FLVCR1: variants seen among roughly 807,000 people sequenced by gnomAD.
The protein encoded by FLVCR1 is choline/ethanolamine transporter FLVCR1.
FLVCR1 carries 34 observed loss-of-function variants against 53.6 expected under a neutral mutation model. The ratio of observed to expected loss-of-function variants is 0.63; its 90% CI spans 0.48 to 0.84. The LOEUF is 0.84. FLVCR1 is among the 40% of genes least tolerant of loss of function. The probability of loss-of-function intolerance (pLI) is 0.00; values close to 1 mark genes in which losing one functional copy is unlikely to be tolerated. For synonymous variants in FLVCR1, 300 were observed against 286.3 expected (o/e 1.05, Z -0.48); for missense variants, 677 against 696.7 (o/e 0.97, Z 0.32).
At chr1:212,865,485 A>ATTTTTTTTTTTTTTTT (rs58544929) in intron 2 of FLVCR1, among the ~76,000 whole-genome samples, 5 of 133,696 alleles carry the variant, frequency 3.7e-5, no homozygotes, top group African/African-American at 6.0e-5. Flanking sequence ...TGCAATAGGG[A>ATTTTTTTTTTTTTTTT]TTTTTTTTTT....
intron 1 of FLVCR1, among the ~76,000 whole-genome samples, chr1:212,860,042 G>C (rs1664172741): frequency 6.6e-6 from 1 of 152,146 alleles, no homozygotes. Flanking sequence ...CAGCACTTTG[G>C]GAGGCTGAGG....
intron 3 of FLVCR1, among the ~76,000 whole-genome samples, chr1:212,881,432 G>A (rs988190083): frequency 2.0e-5 from 3 of 149,998 alleles, no homozygotes; most frequent in East Asian, 4.0e-4. Context: ...TCCACCTCCC[G>A]GATTCAAGCA....
chr1:212,883,499 T>G, intron 4 of FLVCR1, 61 bp downstream of exon 4: 1 of 889,940 alleles, frequency 1.1e-6, no homozygotes, highest in Non-Finnish European at 1.9e-6. Context: ...AGCAATATAA[T>G]TGTCGTTAGC....
chr1:212,894,753 T>C (rs1665289599), intron 8 of FLVCR1, among the ~76,000 whole-genome samples: 1 of 152,206 alleles, frequency 6.6e-6, no homozygotes, highest in Non-Finnish European at 1.5e-5. Flanking sequence ...AATTACACTT[T>C]TCATTTTTGT....
At chr1:212,893,245 C>T (rs1006994709) in intron 8 of FLVCR1, among the ~76,000 whole-genome samples, 6 of 151,924 alleles carry the variant, frequency 3.9e-5, no homozygotes, top group Non-Finnish European at 5.9e-5. Context: ...TTTGTAGAGA[C>T]GGGGTTTCAC....
intron 1 of FLVCR1, among the ~76,000 whole-genome samples, chr1:212,863,218 T>G (rs1402870415): frequency 6.6e-6 from 1 of 152,224 alleles, no homozygotes; most frequent in Non-Finnish European, 1.5e-5. Flanking sequence ...TGGTAGGAAC[T>G]CAGTAAATGT....
chr1:212,862,941 C>G (rs914220917), intron 1 of FLVCR1, among the ~76,000 whole-genome samples: 2 of 152,122 alleles, frequency 1.3e-5, no homozygotes, highest in Admixed American at 1.3e-4. Flanking sequence ...GCTTATTGAC[C>G]ATTTGTATAT....
chr1:212,887,693 G>T (rs1044787149), intron 5 of FLVCR1, among the ~76,000 whole-genome samples, 198 bp from the exon 6 acceptor site: 4 of 151,854 alleles, frequency 2.6e-5, no homozygotes, highest in African/African-American at 9.7e-5. Flanking sequence ...CATTCGATAT[G>T]GTGTGGTTTT....
In FLVCR1 at chr1:212,863,773, A is replaced by G. The variant is rs1430740630; in HGVS notation, c.787A>G (p.Thr263Ala). 5 of 1,613,888 alleles carry G rather than the reference A, an allele frequency of 3.1e-6. No homozygotes were observed. The highest frequency in any genetic ancestry group is 4.2e-6 in the Non-Finnish European group (5 of 1,179,898). Residue 263 changes from threonine to alanine, a missense_variant, in exon 2 of 10, where the codon ACA becomes GCA. Physicochemically the swap from Thr to Ala is moderately conservative, Grantham distance 58. Coordinates refer to ENST00000366971, the MANE Select transcript of FLVCR1 (RefSeq NM_014053.4). ...GCTACCACCAGTTTTAGTACCCAACACACAGAATGACACAAATCTCCTGGC... is the reference window on the plus strand; with the variant it reads ...GCTACCACCAGTTTTAGTACCCAACGCACAGAATGACACAAATCTCCTGGC... ...FLLPPVLVPN[T>A]QNDTNLLACN... is the part of the protein sequence containing the mutation.
At chr1:212,875,763 C>T (rs997196459) in intron 3 of FLVCR1, among the ~76,000 whole-genome samples, 2 of 151,650 alleles carry the variant, frequency 1.3e-5, no homozygotes, top group Non-Finnish European at 2.9e-5. Context: ...ATCGCTTGAA[C>T]CCAGGAGGCA....
At chr1:212,880,071 TA>T (rs1664881426) in intron 3 of FLVCR1, among the ~76,000 whole-genome samples, 1 of 152,042 alleles carries the variant, frequency 6.6e-6, no homozygotes, top group Admixed American at 6.6e-5. Flanking sequence ...TGCAGTGCAG[TA>T]GAGTACACTC....
chr1:212,889,199 T>C lies in FLVCR1; in HGVS notation c.1467T>C (p.Gly489=), dbSNP rs2102570244. ...AAGGAAAGCTCACATCAGACTATGG[T>C]CCTAAGGCAGGGAACATTTTTCTCT... ...LAQGKLTSDY[G]PKAGNIFLCV... Residue 489 remains glycine (G), a synonymous_variant, in exon 8 of 10, where the codon GGT becomes GGC. Transcript: ENST00000366971. 6.2e-7 allele frequency: 1 copy of C among 1,613,966 alleles called. No individual in the cohort carries two copies. Among genetic ancestry groups the C allele is most frequent in the Non-Finnish European group, 8.5e-7 (1 of 1,179,878 alleles).
At chr1:212,884,995 T>C (rs1008452168) in intron 4 of FLVCR1, among the ~76,000 whole-genome samples, 1 of 152,228 alleles carries the variant, frequency 6.6e-6, no homozygotes, top group African/African-American at 2.4e-5. Context: ...CACATGACTA[T>C]CTATACTTAA....
At position 212,885,416 on chromosome 1, in the gene FLVCR1, T is replaced by G. The variant is rs765279846; in HGVS notation, c.1196+20T>G. The G allele has an allele frequency of 6.5e-7, 1 of 1,527,472 alleles. No homozygotes were observed. Among genetic ancestry groups the G allele is most frequent in the South Asian group, 1.1e-5 (1 of 89,444 alleles). 94.6% of individuals were successfully genotyped at this position (1,527,472 alleles called of 1,614,324 possible). ...ATACAAGTAAGTGAAAGTAAATACA[T>G]GTATGGTGTATAACCAAAGGTATTT... On this transcript the variant is annotated intron_variant, in intron 5 of 9. Transcript: ENST00000366971.
chr1:212,893,268 G>A (rs1665245208), intron 8 of FLVCR1, among the ~76,000 whole-genome samples: 1 of 152,080 alleles, frequency 6.6e-6, no homozygotes, highest in Admixed American at 6.6e-5. Context: ...TGTTAGCCAG[G>A]ATGGTTTTGA....
chr1:212,874,108 A>G (rs1407221370), intron 3 of FLVCR1, among the ~76,000 whole-genome samples: 2 of 152,158 alleles, frequency 1.3e-5, no homozygotes, highest in Admixed American at 6.6e-5. Context: ...CCCGGGTTCA[A>G]GCAATTCTCC....
At chr1:212,892,518 C>T (rs1054932572) in intron 8 of FLVCR1, among the ~76,000 whole-genome samples, 11 of 152,138 alleles carry the variant, frequency 7.2e-5, no homozygotes, top group Admixed American at 2.0e-4. Context: ...ATATTTTAAA[C>T]CCATTGTTGA....
chr1:212,893,072 GGGT>G (rs1377559734), intron 8 of FLVCR1, among the ~76,000 whole-genome samples: 50,226 of 148,590 alleles, frequency 0.34, 10,222 homozygotes, highest in South Asian at 0.46. Context: ...TTTTGGGGGG[GGGT>G]GCCGGAATGT....
chr1:212,881,849 A>T (rs1295737462), intron 3 of FLVCR1, among the ~76,000 whole-genome samples: 1 of 152,232 alleles, frequency 6.6e-6, no homozygotes, highest in Non-Finnish European at 1.5e-5. Context: ...ACTCCTACAA[A>T]TCAGAAAGAG....
Sources: gnomAD v4.1 joint callset for allele counts (sites outside exome capture counted in the v4.1 genomes callset) on GRCh38, gnomAD v4.1.1 for gene constraint, MANE v1.5 for transcripts, NCBI Gene and HGNC (gene_info 2026-07-23, HGNC 2026-07-21) for gene names.